Variants in ANKRD30BL observed in about 807,000 individuals in gnomAD.
ANKRD30BL encodes putative ankyrin repeat domain-containing protein 30B-like.
A neutral mutation model predicts 18.4 loss-of-function variants in ANKRD30BL; 20 were observed. The ratio of observed to expected loss-of-function variants is 1.09; its 90% CI spans 0.77 to 1.58. The LOEUF (loss-of-function observed/expected upper bound fraction) is 1.58. Ranked by LOEUF, ANKRD30BL falls within the 40% of genes most tolerant of loss-of-function variation. The pLI is 0.00. For missense variants in ANKRD30BL, 224 were observed against 268.6 expected, an observed-to-expected ratio of 0.83 and a Z score of 1.16; for synonymous variants, 72 against 100.9, an observed-to-expected ratio of 0.71 and a Z score of 1.72.
At chr2:132,234,968 C>T (rs935421687) in intron 1 of ANKRD30BL, among the ~76,000 whole-genome samples, 7 of 152,124 alleles carry the variant, frequency 4.6e-5, no homozygotes, top group Non-Finnish European at 8.8e-5. Flanking sequence ...TCCAGCAGAA[C>T]ATCAAAAAGC....
chr2:132,165,089 A>C (rs1232148143), upstream of ANKRD30BL, among the ~76,000 whole-genome samples: 1 of 108,518 alleles, frequency 9.2e-6, no homozygotes, highest in African/African-American at 3.4e-5. Flanking sequence ...AAAAACAAAC[A>C]AAAAAAAACG....
Position 132,252,983 on chromosome 2 carries a change from G to A in ANKRD30BL, n.441+4546C>T, listed in dbSNP as rs546811881. 1.6e-3 allele frequency among the ~76,000 whole-genome samples: 241 copies of A among 152,162 alleles called. 1 individual carries two copies. Among genetic ancestry groups the A allele is most frequent in the African/African-American group, 5.4e-3 (226 of 41,522 alleles). ...CCCCCTTCCCCACGCCACCCAACGC[G>A]TGACTACACAGGGCCGCAGGGGGAG... On this transcript the variant is annotated intron_variant and non_coding_transcript_variant, in intron 1 of 4. Coordinates refer to the ANKRD30BL transcript ENST00000470729.
chr2:132,253,318 T>A (rs1185979821), intron 1 of ANKRD30BL: 2 of 152,742 alleles, frequency 1.3e-5, no homozygotes, highest in Non-Finnish European at 2.9e-5. Context: ...ACAAGGTTGA[T>A]TTGGCGAGGG....
At chr2:132,163,164 T>G (rs1688119284), upstream of ANKRD30BL, among the ~76,000 whole-genome samples, 1 of 152,154 alleles carries the variant, frequency 6.6e-6, no homozygotes, top group African/African-American at 2.4e-5. Context: ...CTATAAAGAC[T>G]TCCAGGCTGG....
At position 132,199,842 on chromosome 2, in the gene ANKRD30BL, G is replaced by A. The variant is rs1385900998; in HGVS notation, n.442-42696C>T. Among the ~76,000 whole-genome samples, 13 of 152,038 alleles carry A rather than the reference G, an allele frequency of 8.6e-5. No homozygotes were observed. The East Asian group carries it at 9.7e-4, about 11-fold the overall frequency. ...TGAGCCTTTAAAGAGGGCAATATACGGGTAGAGACACAACCAAAAAAGAGA... is the reference window on the plus strand; with the variant it reads ...TGAGCCTTTAAAGAGGGCAATATACAGGTAGAGACACAACCAAAAAAGAGA... On this transcript the variant is annotated intron_variant and non_coding_transcript_variant, in intron 1 of 4. Coordinates refer to the ANKRD30BL transcript ENST00000470729.
chr2:132,222,318 A>G (rs1679714521), intron 1 of ANKRD30BL, among the ~76,000 whole-genome samples: 2 of 151,856 alleles, frequency 1.3e-5, no homozygotes, highest in African/African-American at 2.4e-5. Context: ...CCCGGCCATG[A>G]CCCCGTCTGG....
At chr2:132,210,393 C>T (rs1679314373) in intron 1 of ANKRD30BL, among the ~76,000 whole-genome samples, 1 of 151,842 alleles carries the variant, frequency 6.6e-6, no homozygotes, top group Admixed American at 6.6e-5. Context: ...TGGATGGAAG[C>T]ATTCTGAGAA....
At chr2:132,242,215 C>T (rs951700848) in intron 1 of ANKRD30BL, among the ~76,000 whole-genome samples, 11 of 151,702 alleles carry the variant, frequency 7.3e-5, no homozygotes, top group African/African-American at 2.7e-4. Context: ...AAAAACCAGA[C>T]TGAAGCATTC....
chr2:132,211,924 A>G (rs997122143), intron 1 of ANKRD30BL, among the ~76,000 whole-genome samples: 5 of 151,964 alleles, frequency 3.3e-5, no homozygotes, highest in African/African-American at 4.8e-5. Context: ...TAAAAACTAG[A>G]CAGAATCATT....
chr2:132,148,678 A>T (rs1420523819), intron 5 of ANKRD30BL, among the ~76,000 whole-genome samples: 1 of 151,896 alleles, frequency 6.6e-6, no homozygotes, highest in African/African-American at 2.4e-5. Context: ...ACACTACCAA[A>T]CTTTTTAAAG....
At chr2:132,198,492 T>G (rs1679023483) in intron 1 of ANKRD30BL, among the ~76,000 whole-genome samples, 1 of 151,818 alleles carries the variant, frequency 6.6e-6, no homozygotes, top group Non-Finnish European at 1.5e-5. Flanking sequence ...CCCCGCTAAT[T>G]TTTTGCATCT....
chr2:132,208,273 A>T (rs1679249052), intron 1 of ANKRD30BL, among the ~76,000 whole-genome samples: 1 of 152,120 alleles, frequency 6.6e-6, no homozygotes, highest in Non-Finnish European at 1.5e-5. Context: ...TGTTGCCTCT[A>T]ACATTCAAAA....
At chr2:132,210,692 T>C (rs1324893209) in intron 1 of ANKRD30BL, among the ~76,000 whole-genome samples, 2 of 151,762 alleles carry the variant, frequency 1.3e-5, no homozygotes, top group East Asian at 1.9e-4. Flanking sequence ...TCAAGACCTA[T>C]GGTGGAAACT....
At chr2:132,221,516 T>C (rs1438670656) in intron 1 of ANKRD30BL, among the ~76,000 whole-genome samples, 26 of 100,266 alleles carry the variant, frequency 2.6e-4, no homozygotes, top group South Asian at 7.4e-4. Flanking sequence ...CCCCTCTGCC[T>C]GGCCAGCCAC....
At position 132,232,231 on chromosome 2, in the gene ANKRD30BL, G is replaced by A. The variant is rs182008841; in HGVS notation, n.441+25298C>T. 1.7e-3 allele frequency among the ~76,000 whole-genome samples: 256 copies of A among 152,252 alleles called. 1 individual carries two copies. The highest frequency in any genetic ancestry group is 5.8e-3 in the African/African-American group (243 of 41,554). ...AACAGTAGACAAAATCACAAAGATG[G>A]GGAAAAAACAGAACAGAAAAACTGG... On this transcript the variant is annotated intron_variant and non_coding_transcript_variant, in intron 1 of 4. Transcript: ENST00000470729.
At chr2:132,246,672 C>CT (rs1171252154) in intron 1 of ANKRD30BL, among the ~76,000 whole-genome samples, 1 of 151,918 alleles carries the variant, frequency 6.6e-6, no homozygotes, top group Non-Finnish European at 1.5e-5. Flanking sequence ...TTCTCAGAAA[C>CT]TTTTTTGTGA....
chr2:132,222,045 G>A lies in ANKRD30BL; in HGVS notation n.441+35484C>T, dbSNP rs1267434399. 1.9e-4 allele frequency among the ~76,000 whole-genome samples: 20 copies of A among 102,606 alleles called. 1 individual carries two copies. The highest frequency in any genetic ancestry group is 1.1e-3 in the African/African-American group (16 of 14,966). The allele number at this position is 102,606 out of a possible 152,430, so 67.3% of individuals were successfully genotyped here. The stretch of plus-strand genomic sequence containing the variant: ...AGCCACCCTGTCCGGGAGGGAGGCG[G>A]GGGGGGGGGTCGGCCAGCCGCCCCG... On this transcript the variant is annotated intron_variant and non_coding_transcript_variant, in intron 1 of 4. Transcript: ENST00000470729.
chr2:132,237,459 T>G (rs947685410), intron 1 of ANKRD30BL, among the ~76,000 whole-genome samples: 1 of 152,038 alleles, frequency 6.6e-6, no homozygotes, highest in Non-Finnish European at 1.5e-5. Context: ...CACATAAAAC[T>G]AGACAGAAGC....
chr2:132,173,323 GGAGTTTCACTCT>G (rs1688313504), intron 1 of ANKRD30BL, among the ~76,000 whole-genome samples: 1 of 122,600 alleles, frequency 8.2e-6, no homozygotes, highest in African/African-American at 3.1e-5. Context: ...TTTTTGAGAT[GGAGTTTCACTCT>G]GTCACCCAGG....
Sources: allele counts gnomAD v4.1 joint callset (sites outside exome capture counted in the v4.1 genomes callset), GRCh38; gene constraint gnomAD v4.1.1; transcripts MANE v1.5; gene names NCBI Gene and HGNC (gene_info 2026-07-23, HGNC 2026-07-21).